The following PPP1R13L variants were observed in gnomAD, a reference collection of about 807,000 sequenced individuals.
PPP1R13L encodes the protein relA-associated inhibitor.
PPP1R13L carries 50 observed loss-of-function variants against 80.9 expected under a neutral mutation model. That is an observed-to-expected ratio of 0.62 (90% confidence interval 0.49 to 0.78). The LOEUF (loss-of-function observed/expected upper bound fraction) is 0.78, where lower values mean the gene tolerates loss of function less well. Ranked by LOEUF, PPP1R13L falls within the 30% of genes least tolerant of loss-of-function variation. The pLI is 0.00. For missense variants in PPP1R13L, 1,200 were observed against 1,205.9 expected (o/e 1.00, Z 0.07); for synonymous variants, 602 against 534.3 (o/e 1.13, Z -1.75).
chr19:45,386,301 T>G, intron 8 of PPP1R13L, 121 bp from the exon 9 acceptor site: 5 of 1,258,200 alleles, frequency 4.0e-6, no homozygotes, highest in Non-Finnish European at 5.2e-6. Flanking sequence ...AGAACTGGGA[T>G]TCCCTCGGGA....
At chr19:45,381,204 G>A (rs1030165293) in intron 12 of PPP1R13L, among the ~76,000 whole-genome samples, 4 of 151,294 alleles carry the variant, frequency 2.6e-5, no homozygotes, top group South Asian at 2.1e-4. Context: ...ACAGGCACCC[G>A]CCACCACACC....
rs757369407 is a variant in PPP1R13L at position 45,398,345 on chromosome 19, T to C, written c.-21-6A>G. On this transcript the variant is annotated splice_region_variant and splice_polypyrimidine_tract_variant and intron_variant, in intron 1 of 12. Coordinates refer to ENST00000360957, the MANE Select transcript of PPP1R13L (RefSeq NM_006663.4). ...GTGCCGGCCGGAGCGGGCGCCTGCA[T>C]GGTGGGGAGGGAGGGAGCTGGCTAA... The C allele has an allele frequency of 9.3e-6, 15 of 1,612,500 alleles. No individual in the cohort carries two copies. The South Asian group carries it at 1.4e-4, about 15-fold the overall frequency.
At position 45,398,134 on chromosome 19, in the gene PPP1R13L, T is replaced by G. The variant is rs1160907338; in HGVS notation, c.69A>C (p.Lys23Asn). The part of the protein sequence containing the change: ...LDMNFQSLAM[K>N]HMDLKQMELD... ...GCTCCATCTGCTTCAGATCCATGTG[T>G]TTCATGGCCAGCGCTGGGAAGGTGG... is the stretch of plus-strand genomic sequence containing the variant. Residue 23 changes from lysine to asparagine, a missense_variant, in exon 3 of 13, where the codon AAA (lysine) becomes AAC (asparagine). Lys to Asn is a moderately conservative substitution (Grantham distance 94). Around this residue, in one of 5 missense-constraint regions of PPP1R13L, gnomAD observed 764 missense variants for 714.5 expected, o/e 1.07. Transcript: ENST00000360957. The G allele has an allele frequency of 1.3e-5, 21 of 1,613,850 alleles. No individual in the cohort carries two copies. The highest frequency in any genetic ancestry group is 1.6e-5 in the Non-Finnish European group (19 of 1,179,934).
Position 45,387,619 on chromosome 19 carries a change from A to G in PPP1R13L, c.1816-1439T>C, listed in dbSNP as rs974460097. ...GCCCAGGCTGGAGTGCAGTGGTGCG[A>G]TCTCAGCTCACTGCAAGCTCCGCCT... is the stretch of plus-strand genomic sequence containing the variant. On this transcript the variant is annotated intron_variant, in intron 8 of 12. Coordinates refer to ENST00000360957, the MANE Select transcript of PPP1R13L (RefSeq NM_006663.4). 2.4e-3 allele frequency among the ~76,000 whole-genome samples: 358 copies of G among 152,144 alleles called. 1 individual carries two copies. The highest frequency in any genetic ancestry group is 8.4e-3 in the African/African-American group (347 of 41,514).
At chr19:45,400,539 C>T (rs932754766) in intron 1 of PPP1R13L, among the ~76,000 whole-genome samples, 5 of 151,406 alleles carry the variant, frequency 3.3e-5, no homozygotes, top group Middle Eastern at 7.0e-3. Flanking sequence ...TGACCTTGGG[C>T]GTTGAGTCCT....
rs1973083620 is a variant in PPP1R13L, at chr19:45,396,108, C to T, written c.903+60G>A. On this transcript the variant is annotated intron_variant, in intron 6 of 12. Transcript: ENST00000360957. This position sits in a 1 kb window ranked among gnomAD's most constrained non-coding sequence, Gnocchi z 5.3. Reference sequence around the variant, plus strand: ...GAGGGGGAGACTGGCCTTGACCCCGCTCCCCCACCCCACTCCTCGACCTTC... The same window carrying T: ...GAGGGGGAGACTGGCCTTGACCCCGTTCCCCCACCCCACTCCTCGACCTTC... 1.3e-6 allele frequency: 2 copies of T among 1,527,094 alleles called. No individual in the cohort carries two copies. The highest frequency in any genetic ancestry group is 3.9e-5 in the Admixed American group (2 of 50,870). The allele number at this position is 1,527,094 out of a possible 1,614,324, so 94.6% of individuals were successfully genotyped here.
chr19:45,386,229 A>G, intron 8 of PPP1R13L, 49 bp from the exon 9 acceptor site: 1 of 1,455,544 alleles, frequency 6.9e-7, no homozygotes, highest in East Asian at 2.4e-5. Flanking sequence ...TTGTTAGTAT[A>G]TCCATGATCT....
Position 45,395,619 on chromosome 19 carries a change from T to C in PPP1R13L, c.1171A>G (p.Met391Val), listed in dbSNP as rs1242644627. ...AFWEHGASRA[M>V]LPGSPLFTRA... ...GTGAAGAGGGGGGACCCAGGGAGCA[T>C]GGCGCGGCTGGCCCCGTGCTCCCAG... The change falls in exon 7 of 13, where the codon ATG (methionine) becomes GTG (valine). Residue 391 changes from methionine (M) to valine (V), a missense_variant. By Grantham distance (21) the Met-to-Val change is conservative (BLOSUM62 1). This residue lies in a region of PPP1R13L where 764 missense variants were observed against 714.5 expected (regional missense o/e 1.07). Transcript: ENST00000360957. The C allele has an allele frequency of 1.4e-6, 2 of 1,430,508 alleles. No individual in the cohort carries two copies. The highest frequency in any genetic ancestry group is 1.8e-6 in the Non-Finnish European group (2 of 1,091,716). 88.6% of individuals were successfully genotyped at this position (1,430,508 alleles called of 1,614,324 possible). A position where few individuals can be genotyped will look rare whatever the true frequency, so the allele number is the denominator to read the frequency against.
intron 8 of PPP1R13L, among the ~76,000 whole-genome samples, chr19:45,386,678 T>G (rs1273253865): frequency 6.7e-6 from 1 of 149,442 alleles, no homozygotes; most frequent in East Asian, 2.0e-4. Flanking sequence ...TCACCCAGGC[T>G]GGAGTGCAGT....
chr19:45,398,291 G>C lies in PPP1R13L; in HGVS notation c.28C>G (p.Arg10Gly), dbSNP rs758386261. Residue 10 changes from arginine to glycine, a missense_variant, in exon 2 of 13, where the codon CGG becomes GGG. Physicochemically the swap from Arg to Gly is moderately radical, Grantham distance 125 (BLOSUM62 -2). Transcript: ENST00000360957. ...TGGAAGTTCATGTCCAGAAAGTCCC[G>C]CGCGCTCTGGAATGCCTCGCTGTCC... MDSEAFQSA[R>G]DFLDMNFQSL... is the part of the protein sequence containing the mutation. 1 of 1,613,850 alleles carries C rather than the reference G, an allele frequency of 6.2e-7. No individual in the cohort carries two copies. The highest frequency in any genetic ancestry group is 8.5e-7 in the Non-Finnish European group (1 of 1,179,942).
Position 45,380,120 on chromosome 19 carries a change from A to G in PPP1R13L, c.*70T>C. ...GGTGCAGATAAAGGCAGCAAAAAAC[A>G]GAGGGAGAGGTCTGGAGGGAAGGCA... On this transcript the variant is annotated 3_prime_UTR_variant, in exon 13 of 13. Coordinates refer to ENST00000360957, the MANE Select transcript of PPP1R13L (RefSeq NM_006663.4). 6.4e-7 allele frequency: 1 copy of G among 1,564,514 alleles called. No homozygotes were observed. The highest frequency in any genetic ancestry group is 1.1e-5 in the South Asian group (1 of 89,556).
In PPP1R13L at chr19:45,385,459, G is replaced by C. The variant is rs545997822; in HGVS notation, c.2248+103C>G. Reference sequence around the variant, plus strand: ...CCTCGGCAATCCTGCCAAGTGGTTGGTACAGCCCCCATACCCTTCTCTCCC... The same window carrying C: ...CCTCGGCAATCCTGCCAAGTGGTTGCTACAGCCCCCATACCCTTCTCTCCC... On this transcript the variant is annotated intron_variant, in intron 11 of 12. Transcript: ENST00000360957. 22 of 1,326,416 alleles carry C rather than the reference G, an allele frequency of 1.7e-5. No individual in the cohort carries two copies. In the South Asian group the frequency reaches 2.9e-4, roughly 18 times the overall value. 82.2% of individuals were successfully genotyped at this position (1,326,416 alleles called of 1,614,324 possible).
chr19:45,384,366 CAA>C (rs770216477), intron 11 of PPP1R13L, among the ~76,000 whole-genome samples: 10 of 91,306 alleles, frequency 1.1e-4, no homozygotes, highest in Non-Finnish European at 6.2e-5. Flanking sequence ...ACTAAAAATA[CAA>C]AAAAAAAAAA....
At chr19:45,394,008 CAG>C (rs1038045150) in intron 7 of PPP1R13L, among the ~76,000 whole-genome samples, 5 of 152,190 alleles carry the variant, frequency 3.3e-5, no homozygotes, top group Admixed American at 6.5e-5. Context: ...AGACGGGAAA[CAG>C]AGTTTCGGAC....
At chr19:45,390,003 A>G (rs962951256) in intron 8 of PPP1R13L, among the ~76,000 whole-genome samples, 1 of 151,988 alleles carries the variant, frequency 6.6e-6, no homozygotes, top group Non-Finnish European at 1.5e-5. Flanking sequence ...CGTGTTAGCC[A>G]GGATGGTCTT....
In PPP1R13L at chr19:45,396,807, G is replaced by A. The variant is rs749122156; in HGVS notation, c.450C>T (p.Gly150=). 150 of 1,429,498 alleles carry A rather than the reference G, an allele frequency of 1.0e-4. No individual in the cohort carries two copies. In the Middle Eastern group the frequency reaches 1.2e-3, roughly 11 times the overall value. The allele number at this position is 1,429,498 out of a possible 1,614,324, so 88.6% of individuals were successfully genotyped here. A position where few individuals can be genotyped will look rare whatever the true frequency, so the allele number is the denominator to read the frequency against. The change falls in exon 4 of 13, where the codon GGC becomes GGT. Residue 150 remains glycine (G), a synonymous_variant. Coordinates refer to ENST00000360957, the MANE Select transcript of PPP1R13L (RefSeq NM_006663.4). The surrounding 1 kb of genome is among the most constrained non-coding windows in gnomAD (Gnocchi z 5.3). ...GGGAGGGCGCACGGCCGAGGGAGCT[G>A]CCTGCGCCATCGAAGGCGCGGGGCC... ...SPRPRAFDGA[G]SSLGRAPSPR...
chr19:45,382,940 T>A (rs1972793231), intron 11 of PPP1R13L, among the ~76,000 whole-genome samples: 1 of 151,630 alleles, frequency 6.6e-6, no homozygotes, highest in Non-Finnish European at 1.5e-5. Flanking sequence ...GGGGGAGGCA[T>A]GCCAGTGGGC....
Position 45,380,244 on chromosome 19 carries a change from A to T in PPP1R13L, c.2449-16T>A, listed in dbSNP as rs989314627. ...TGGGGAACAGCTGGGGAGAGACAGG[A>T]TCTTCAGACATCAGGAGCTCCCACC... On this transcript the variant is annotated splice_polypyrimidine_tract_variant and intron_variant, in intron 12 of 12. Coordinates refer to ENST00000360957, the MANE Select transcript of PPP1R13L (RefSeq NM_006663.4). 52 of 1,613,722 alleles carry T rather than the reference A, an allele frequency of 3.2e-5. No individual in the cohort carries two copies. Among genetic ancestry groups the T allele is most frequent in the Non-Finnish European group, 4.4e-5 (52 of 1,179,908 alleles).
At chr19:45,386,714 C>A (rs1316367110) in intron 8 of PPP1R13L, among the ~76,000 whole-genome samples, 1 of 150,750 alleles carries the variant, frequency 6.6e-6, no homozygotes, top group Non-Finnish European at 1.5e-5. Context: ...CAGCTCACTG[C>A]ACCCTCCATC....
Sources: gnomAD v4.1 joint callset for allele counts (sites outside exome capture counted in the v4.1 genomes callset) on GRCh38, gnomAD v4.1.1 for gene constraint, gnomAD v4.1.1 regional missense constraint, Gnocchi (gnomAD v3.1) non-coding constraint, MANE v1.5 for transcripts, NCBI Gene and HGNC (gene_info 2026-07-23, HGNC 2026-07-21) for gene names.